VASH1: variants seen among roughly 807,000 people sequenced by gnomAD.
The protein encoded by VASH1 is tubulinyl-Tyr carboxypeptidase 1.
A neutral mutation model predicts 35.0 loss-of-function variants in VASH1; 16 were observed. That is an observed-to-expected ratio of 0.46 (90% CI 0.31 to 0.70). The LOEUF is 0.70. Among genes scored for constraint, VASH1 ranks in the 30% least tolerant of loss-of-function variants. The pLI, the probability that VASH1 is intolerant of heterozygous loss-of-function variation, is 0.05. For missense variants in VASH1, 505 were observed against 510.7 expected (o/e 0.99, Z 0.11); for synonymous variants, 214 against 200.9 (o/e 1.07, Z -0.55).
intron 4 of VASH1, chr14:76,774,406 C>G (rs543376113): frequency 1.3e-5 from 2 of 152,264 alleles, no homozygotes; most frequent in East Asian, 1.9e-4. Flanking sequence ...CATGTCTTCA[C>G]GTTCACTTCT....
At position 76,779,814 on chromosome 14, in the gene VASH1, G is replaced by A; in HGVS notation, c.*796G>A. On this transcript the variant is annotated 3_prime_UTR_variant, in exon 7 of 7. Coordinates refer to ENST00000167106, the MANE Select transcript of VASH1 (RefSeq NM_014909.5). Reference sequence around the variant, plus strand: ...CCCTGCGGAGGGTCTGGGCTTGGCGGAGGACCCAGAATGGCACTGAGGCCA... The same window carrying A: ...CCCTGCGGAGGGTCTGGGCTTGGCGAAGGACCCAGAATGGCACTGAGGCCA... The A allele has an allele frequency of 2.2e-6, 1 of 460,388 alleles. No individual in the cohort carries two copies. The highest frequency in any genetic ancestry group is 3.5e-5 in the East Asian group (1 of 28,532). 28.5% of individuals were successfully genotyped at this position (460,388 alleles called of 1,614,324 possible).
chr14:76,769,452 C>A (rs758554355), intron 1 of VASH1: 8 of 1,288,976 alleles, frequency 6.2e-6, no homozygotes, highest in Non-Finnish European at 6.1e-6. Flanking sequence ...GAAGGCATGG[C>A]GAATATGCCC....
chr14:76,769,951 C>G lies in VASH1; in HGVS notation c.310-12C>G, dbSNP rs1382611690. 1 of 1,613,586 alleles carries G rather than the reference C, an allele frequency of 6.2e-7. No homozygotes were observed. The highest frequency in any genetic ancestry group is 8.5e-7 in the Non-Finnish European group (1 of 1,179,554). ...CCTCTTCTTGTGACCGGAGCTCTTT[C>G]TCTGTCCCCAGATCCCCATACCGAG... is the stretch of plus-strand genomic sequence containing the variant. On this transcript the variant is annotated splice_polypyrimidine_tract_variant and intron_variant, in intron 1 of 6. Coordinates refer to ENST00000167106, the MANE Select transcript of VASH1 (RefSeq NM_014909.5).
intron 3 of VASH1, among the ~76,000 whole-genome samples, chr14:76,771,477 C>A (rs111888593): frequency 6.6e-6 from 1 of 152,238 alleles, no homozygotes; most frequent in Non-Finnish European, 1.5e-5. Context: ...CGGGTCCATG[C>A]TGAGCTAGAG....
chr14:76,762,888 A>G lies in VASH1; in HGVS notation c.67A>G (p.Thr23Ala), dbSNP rs748396595. The change falls in exon 1 of 7, where the codon ACC becomes GCC. Residue 23 changes from threonine (T) to alanine (A), a missense_variant. Thr to Ala is a moderately conservative substitution (Grantham distance 58). Transcript: ENST00000167106. ...SGATPTSAAA[T>A]APSGVRRLET... is the part of the protein sequence containing the mutation. ...TGCCACTCCAACGTCCGCTGCGGCC[A>G]CCGCCCCCTCTGGGGTCAGGCGTTT... is the stretch of plus-strand genomic sequence containing the variant. 3.9e-6 allele frequency: 6 copies of G among 1,555,346 alleles called. No homozygotes were observed. In the Admixed American group the frequency reaches 5.7e-5, roughly 15 times the overall value.
At chr14:76,777,140 G>GTCC (rs1893967407) in intron 5 of VASH1, among the ~76,000 whole-genome samples, 1 of 152,230 alleles carries the variant, frequency 6.6e-6, no homozygotes, top group South Asian at 2.1e-4. Context: ...GCAGGGGTTT[G>GTCC]TAAGAGCTAC....
rs1566680030 is a variant in VASH1, at chr14:76,762,396, G to A, written c.-426G>A. On this transcript the variant is annotated 5_prime_UTR_variant, in exon 1 of 7. Transcript: ENST00000167106. ...TCCCTCCGAAACTGAGACCCAGGGCGCCCAGTGGGCACCCGTGCCTTGACT... is the reference window on the plus strand; with the variant it reads ...TCCCTCCGAAACTGAGACCCAGGGCACCCAGTGGGCACCCGTGCCTTGACT... 6.4e-6 allele frequency: 1 copy of A among 156,570 alleles called. No individual in the cohort carries two copies. Among genetic ancestry groups the A allele is most frequent in the Non-Finnish European group, 1.4e-5 (1 of 71,168 alleles). The allele number at this position is 156,570 out of a possible 1,614,324, so 9.7% of individuals were successfully genotyped here.
intron 1 of VASH1, chr14:76,769,140 T>A (rs1409512670): frequency 2.8e-6 from 1 of 359,830 alleles, no homozygotes; most frequent in Non-Finnish European, 3.9e-6. Flanking sequence ...GGGGGTCAGC[T>A]GTTCTTGACC....
At chr14:76,773,595 C>A in intron 4 of VASH1, 1 of 335,656 alleles carries the variant, frequency 3.0e-6, no homozygotes, top group Non-Finnish European at 5.3e-6. Context: ...ATTTCCAGAA[C>A]ATGTTGATTT....
At chr14:76,764,861 T>C (rs1349212315) in intron 1 of VASH1, among the ~76,000 whole-genome samples, 1 of 152,014 alleles carries the variant, frequency 6.6e-6, no homozygotes, top group South Asian at 2.1e-4. Context: ...AATTTTTGTA[T>C]TTTTGGTAGA....
chr14:76,762,959 A>G lies in VASH1; in HGVS notation c.138A>G (p.Glu46=), dbSNP rs147670920. Residue 46 remains glutamate (E), a synonymous_variant, in exon 1 of 7, where the codon GAA becomes GAG. Coordinates refer to ENST00000167106, the MANE Select transcript of VASH1 (RefSeq NM_014909.5). ...GTSAQRDEEP[E]EEGEEDLRDG... is the part of the protein sequence containing the mutation. ...CAGCCCAGAGAGATGAGGAGCCAGA[A>G]GAGGAAGGGGAAGAGGACCTGCGAG... The G allele has an allele frequency of 8.2e-5, 128 of 1,560,982 alleles. No homozygotes were observed. The African/African-American group carries it at 1.5e-3, about 18-fold the overall frequency.
At chr14:76,772,763 G>A (rs1211419410) in intron 3 of VASH1, among the ~76,000 whole-genome samples, 2 of 152,228 alleles carry the variant, frequency 1.3e-5, no homozygotes, top group Admixed American at 1.3e-4. Context: ...CGATGCTGAC[G>A]TCCCTCCTCC....
In VASH1 at chr14:76,762,091, TC is replaced by T. The variant is rs1893518366; in HGVS notation, c.-730del. 1 of 152,330 alleles carries T rather than the reference TC, an allele frequency of 6.6e-6. No individual in the cohort carries two copies. The highest frequency in any genetic ancestry group is 2.1e-4 in the South Asian group (1 of 4,836). 9.4% of individuals were successfully genotyped at this position (152,330 alleles called of 1,614,324 possible). ...CCTTTCTGGGGACTCCGCCGCTGTTTCTGGGGACGAGGGGACAGGGGACCCA... is the reference window on the plus strand; with the variant it reads ...CCTTTCTGGGGACTCCGCCGCTGTTTTGGGGACGAGGGGACAGGGGACCCA... On this transcript the variant is annotated 5_prime_UTR_variant, in exon 1 of 7. Transcript: ENST00000167106.
intron 6 of VASH1, 59 bp from the exon 7 acceptor site, chr14:76,778,887 A>G (rs1894021080): frequency 5.1e-6 from 8 of 1,565,802 alleles, no homozygotes; most frequent in East Asian, 2.3e-5. Flanking sequence ...TGGCTCCCCA[A>G]CTCCATCTCC....
At chr14:76,776,554 GC>G (rs1893951400) in intron 5 of VASH1, among the ~76,000 whole-genome samples, 1 of 152,126 alleles carries the variant, frequency 6.6e-6, no homozygotes, top group African/African-American at 2.4e-5. Flanking sequence ...GTGATCGGGT[GC>G]TGTGATGGGC....
At position 76,779,123 on chromosome 14, in the gene VASH1, C is replaced by T. The variant is rs1894030437; in HGVS notation, c.*105C>T. On this transcript the variant is annotated 3_prime_UTR_variant, in exon 7 of 7. Coordinates refer to ENST00000167106, the MANE Select transcript of VASH1 (RefSeq NM_014909.5). ...AGGCGGGGCTGGTGACAAGGCAGGG[C>T]AAGAGGCTGCAGGAAGAGTGTGTTC... 7.2e-6 allele frequency: 9 copies of T among 1,242,550 alleles called. No individual in the cohort carries two copies. Among genetic ancestry groups the T allele is most frequent in the Non-Finnish European group, 9.3e-6 (8 of 856,044 alleles). The allele number at this position is 1,242,550 out of a possible 1,614,324, so 77.0% of individuals were successfully genotyped here.
At chr14:76,765,882 G>A (rs1893629802) in intron 1 of VASH1, among the ~76,000 whole-genome samples, 1 of 152,118 alleles carries the variant, frequency 6.6e-6, no homozygotes, top group South Asian at 2.1e-4. Flanking sequence ...CCCTGCATGT[G>A]GTTGAGTCTG....
At chr14:76,765,037 T>G (rs1356555170) in intron 1 of VASH1, among the ~76,000 whole-genome samples, 2 of 152,166 alleles carry the variant, frequency 1.3e-5, no homozygotes, top group African/African-American at 4.8e-5. Flanking sequence ...GCGGCAAGAC[T>G]GGGTTTTGCT....
Position 76,781,299 on chromosome 14 carries a change from G to C in VASH1, c.*2281G>C, listed in dbSNP as rs1234158325. On this transcript the variant is annotated 3_prime_UTR_variant, in exon 7 of 7. Coordinates refer to ENST00000167106, the MANE Select transcript of VASH1 (RefSeq NM_014909.5). ...TAACCTAACTCCAGCCAGACTAATA[G>C]GGGCATGGTGACCCTTGACTCACCA... 6.6e-6 allele frequency: 1 copy of C among 152,252 alleles called. No homozygotes were observed. Among genetic ancestry groups the C allele is most frequent in the Admixed American group, 6.5e-5 (1 of 15,278 alleles). The allele number at this position is 152,252 out of a possible 1,614,324, so 9.4% of individuals were successfully genotyped here.
Sources: gnomAD v4.1 joint callset for allele counts (sites outside exome capture counted in the v4.1 genomes callset) on GRCh38, gnomAD v4.1.1 for gene constraint, MANE v1.5 for transcripts, NCBI Gene and HGNC (gene_info 2026-07-23, HGNC 2026-07-21) for gene names.